Variants in AANAT observed in about 807,000 individuals in gnomAD.
The protein encoded by AANAT is aralkylamine N-acetyltransferase.
In AANAT, 11 loss-of-function variants were observed where a neutral mutation model predicts 15.6. The observed-to-expected ratio is 0.71, with a 90% CI of 0.44 to 1.17. AANAT has a LOEUF of 1.17. Ranked by LOEUF, AANAT falls within the 50% of genes most tolerant of loss-of-function variation. AANAT has a pLI of 0.00. For missense variants in AANAT, 286 were observed against 296.3 expected, an observed-to-expected ratio of 0.97 and a Z score of 0.26; for synonymous variants, 139 against 131.5, an observed-to-expected ratio of 1.06 and a Z score of -0.39.
At chr17:76,460,235 G>A (rs112163881) in intron 2 of AANAT, among the ~76,000 whole-genome samples, 5 of 136,258 alleles carry the variant, frequency 3.7e-5, no homozygotes, top group African/African-American at 1.4e-4. Flanking sequence ...TGCAACCTCC[G>A]CATCCCGGGT....
chr17:76,459,688 T>G (rs994243743), intron 2 of AANAT, among the ~76,000 whole-genome samples: 4 of 152,248 alleles, frequency 2.6e-5, no homozygotes, highest in African/African-American at 9.6e-5. Flanking sequence ...TATGTGACCT[T>G]GGGCAAGTTA....
At chr17:76,466,289 A>G (rs2073437483), upstream of AANAT, 1 of 1,432,536 alleles carries the variant, frequency 7.0e-7, no homozygotes, top group African/African-American at 1.4e-5. Context: ...AAGCCCAAGG[A>G]GGTCTCTGGT....
upstream of AANAT, chr17:76,465,891 T>C: frequency 2.4e-6 from 1 of 420,480 alleles, no homozygotes; most frequent in South Asian, 2.4e-5. Flanking sequence ...AGGGTCTCGC[T>C]CTGTCGCCCA....
upstream of AANAT, among the ~76,000 whole-genome samples, chr17:76,464,812 G>T (rs368385954): frequency 7.5e-3 from 845 of 112,700 alleles, 5 homozygotes; most frequent in Non-Finnish European, 0.014. Flanking sequence ...TTTTTTTTTT[G>T]AGATAGCAGT....
Position 76,469,824 on chromosome 17 carries a change from T to C in AANAT, c.478T>C (p.Cys160Arg). The change falls in exon 4 of 4, where the codon TGC (cysteine) becomes CGC (arginine). Residue 160 changes from cysteine to arginine, a missense_variant. Coordinates refer to ENST00000392492, the MANE Select transcript of AANAT (RefSeq NM_001088.3). This position sits in a 1 kb window ranked among gnomAD's most constrained non-coding sequence, Gnocchi z 5.2. ...GGCCGTGCGCCGGGCCGCGCTCATGTGCGAGGACGCGCTGGTACCCTTCTA... is the reference window on the plus strand; with the variant it reads ...GGCCGTGCGCCGGGCCGCGCTCATGCGCGAGGACGCGCTGGTACCCTTCTA... ...QPAVRRAALMCEDALVPFYER... is the reference protein window; with the variant it reads ...QPAVRRAALMREDALVPFYER... 1 of 1,605,234 alleles carries C rather than the reference T, an allele frequency of 6.2e-7. No individual in the cohort carries two copies. Among genetic ancestry groups the C allele is most frequent in the Middle Eastern group, 1.8e-4 (1 of 5,544 alleles).
chr17:76,460,256 C>T (rs970314296), intron 2 of AANAT, among the ~76,000 whole-genome samples: 14 of 144,688 alleles, frequency 9.7e-5, no homozygotes, highest in Non-Finnish European at 7.4e-5. Flanking sequence ...TCAAGACATT[C>T]TTGTGCCTCA....
At chr17:76,456,053 C>T (rs1323579171) in intron 1 of AANAT, among the ~76,000 whole-genome samples, 5 of 146,674 alleles carry the variant, frequency 3.4e-5, no homozygotes, top group Admixed American at 2.7e-4. Flanking sequence ...TGCACAAGGT[C>T]GGGCACGGTG....
chr17:76,465,344 A>ATTT (rs5822138), upstream of AANAT, among the ~76,000 whole-genome samples: 14 of 138,288 alleles, frequency 1.0e-4, no homozygotes, highest in African/African-American at 3.2e-4. Flanking sequence ...TGAGGTCAGG[A>ATTT]TTTTTTTTTT....
chr17:76,469,186 C>T lies in AANAT; in HGVS notation c.177C>T (p.Val59=), dbSNP rs763629424. ...CTCCTGCCACAGCCTTCATCTCCGT[C>T]TTGGGCGTCTGCCCCCTGTACCTGG... is the stretch of plus-strand genomic sequence containing the variant. The part of the protein sequence containing the change: ...FEIEREAFIS[V]LGVCPLYLDE... The change falls in exon 3 of 4, where the codon GTC becomes GTT. Residue 59 remains valine, a synonymous_variant. Coordinates refer to ENST00000392492, the MANE Select transcript of AANAT (RefSeq NM_001088.3). This position sits in a 1 kb window ranked among gnomAD's most constrained non-coding sequence, Gnocchi z 5.2. 6.2e-7 allele frequency: 1 copy of T among 1,614,124 alleles called. No individual in the cohort carries two copies. The highest frequency in any genetic ancestry group is 8.5e-7 in the Non-Finnish European group (1 of 1,180,010).
chr17:76,454,897 C>T (rs1002690818), intron 1 of AANAT, among the ~76,000 whole-genome samples: 4 of 151,890 alleles, frequency 2.6e-5, no homozygotes, highest in East Asian at 3.9e-4. Context: ...GAGACCGAGG[C>T]GGGTGGGAGA....
At chr17:76,462,717 G>A (rs532053767), upstream of AANAT, among the ~76,000 whole-genome samples, 2 of 152,188 alleles carry the variant, frequency 1.3e-5, no homozygotes, top group South Asian at 4.1e-4. Flanking sequence ...AGACGATAAC[G>A]CGAGATGTGC....
chr17:76,466,521 G>A (rs2073439774), upstream of AANAT, among the ~76,000 whole-genome samples: 1 of 150,182 alleles, frequency 6.7e-6, no homozygotes, highest in South Asian at 2.1e-4. Flanking sequence ...GCACCTGTGA[G>A]GACACTGAAA....
chr17:76,453,565 G>A (rs1336396809), exon 1 of AANAT: 1 of 162,516 alleles, frequency 6.2e-6, no homozygotes, highest in Non-Finnish European at 1.3e-5. Context: ...TGCAGAAAGA[G>A]AAAGATACTG....
In AANAT at chr17:76,469,503, G is replaced by A. The variant is rs1448574165; in HGVS notation, c.319-162G>A. Among the ~76,000 whole-genome samples the A allele has an allele frequency of 6.6e-6, 1 of 152,200 alleles. No individual in the cohort carries two copies. Among genetic ancestry groups the A allele is most frequent in the Non-Finnish European group, 1.5e-5 (1 of 68,024 alleles). ...TTCTGGGTCTTCAAGTTTTCTCCAT[G>A]GGGTTGGGGGTATGGCTCCCAATTT... On this transcript the variant is annotated intron_variant, in intron 3 of 3. Coordinates refer to ENST00000392492, the MANE Select transcript of AANAT (RefSeq NM_001088.3). The surrounding 1 kb of genome is among the most constrained non-coding windows in gnomAD (Gnocchi z 5.2).
intron 1 of AANAT, among the ~76,000 whole-genome samples, chr17:76,456,002 G>T (rs1455037512): frequency 6.6e-6 from 1 of 151,742 alleles, no homozygotes; most frequent in Non-Finnish European, 1.5e-5. Context: ...GACAGAGCGA[G>T]ACTGCGTCTC....
chr17:76,466,144 C>T (rs573015333), upstream of AANAT: 1 of 1,533,496 alleles, frequency 6.5e-7, no homozygotes, highest in South Asian at 1.2e-5. Context: ...CGCCAAGTGA[C>T]TGATTAGGAT....
At chr17:76,456,728 CT>C (rs1210198649) in intron 1 of AANAT, among the ~76,000 whole-genome samples, 2 of 152,172 alleles carry the variant, frequency 1.3e-5, no homozygotes, top group Non-Finnish European at 2.9e-5. Context: ...TTCTTGCCCC[CT>C]GATAACATAG....
chr17:76,469,265 G>C lies in AANAT; in HGVS notation c.256G>C (p.Glu86Gln). 6.2e-7 allele frequency: 1 copy of C among 1,614,178 alleles called. No homozygotes were observed. Among genetic ancestry groups the C allele is most frequent in the African/African-American group, 1.3e-5 (1 of 75,062 alleles). ...LCPELSLGWF[E>Q]EGCLVAFIIG... ...TCCAGAGCTGTCCCTGGGCTGGTTCGAGGAGGGCTGCCTTGTGGCCTTCAT... is the reference window on the plus strand; with the variant it reads ...TCCAGAGCTGTCCCTGGGCTGGTTCCAGGAGGGCTGCCTTGTGGCCTTCAT... The change falls in exon 3 of 4, where the codon GAG (glutamate) becomes CAG (glutamine). Residue 86 changes from glutamate to glutamine, a missense_variant. By Grantham distance (29) the Glu-to-Gln change is conservative. Coordinates refer to ENST00000392492, the MANE Select transcript of AANAT (RefSeq NM_001088.3). The surrounding 1 kb of genome is among the most constrained non-coding windows in gnomAD (Gnocchi z 5.2).
intron 1 of AANAT, 113 bp from the exon 2 acceptor site, chr17:76,468,559 T>A: frequency 1.1e-6 from 1 of 925,346 alleles, no homozygotes; most frequent in Non-Finnish European, 1.6e-6. Flanking sequence ...GCCCATTGAT[T>A]TAGGGGCTGT....
Sources: allele counts gnomAD v4.1 joint callset (sites outside exome capture counted in the v4.1 genomes callset), GRCh38; gene constraint gnomAD v4.1.1; non-coding constraint Gnocchi (gnomAD v3.1); transcripts MANE v1.5; gene names NCBI Gene and HGNC (gene_info 2026-07-23, HGNC 2026-07-21).